Variants in RTN4RL1 observed in about 807,000 individuals in gnomAD.
RTN4RL1 encodes the protein reticulon-4 receptor-like 1.
Under a neutral mutation model 25.6 loss-of-function variants are expected in RTN4RL1, and 7 were observed. The observed-to-expected ratio is 0.27, with a 90% CI of 0.16 to 0.51. The LOEUF is 0.51. Among genes scored for constraint, RTN4RL1 ranks in the 20% least tolerant of loss-of-function variants. RTN4RL1 has a pLI of 0.97. For synonymous variants in RTN4RL1, 297 were observed against 288.2 expected (o/e 1.03, Z -0.31); for missense variants, 500 against 615.6 (o/e 0.81, Z 1.99).
intron 1 of RTN4RL1, among the ~76,000 whole-genome samples, chr17:2,002,275 CTCTT>C (rs1401859482): frequency 6.9e-6 from 1 of 145,264 alleles, no homozygotes; most frequent in East Asian, 2.1e-4. Flanking sequence ...TTCTCTCTTT[CTCTT>C]TTTTTTAATT....
chr17:1,947,642 T>G (rs900246537), intron 1 of RTN4RL1, among the ~76,000 whole-genome samples: 1 of 152,204 alleles, frequency 6.6e-6, no homozygotes, highest in Non-Finnish European at 1.5e-5. Context: ...CAGGCCTGGC[T>G]GGGAATGCCG....
chr17:1,956,582 CTG>C (rs1915798967), intron 1 of RTN4RL1, among the ~76,000 whole-genome samples: 1 of 152,128 alleles, frequency 6.6e-6, no homozygotes, highest in Non-Finnish European at 1.5e-5. Flanking sequence ...CATGGACAGA[CTG>C]TAATTTATTT....
rs1485460120 is a variant in RTN4RL1 at position 1,998,193 on chromosome 17, TG to T, written c.13+26659del. Among the ~76,000 whole-genome samples the T allele has an allele frequency of 6.6e-6, 1 of 151,854 alleles. No homozygotes were observed. The highest frequency in any genetic ancestry group is 2.4e-5 in the African/African-American group (1 of 41,362). On this transcript the variant is annotated intron_variant, in intron 1 of 1. Coordinates refer to ENST00000331238, the MANE Select transcript of RTN4RL1 (RefSeq NM_178568.4). The surrounding 1 kb of genome is among the most constrained non-coding windows in gnomAD (Gnocchi z 4.9). ...CCCGGATTAAATATTTACTATGTTT[TG>T]TTTGGCCTTTGGGGGAGGGGCGGGG...
chr17:2,019,543 C>T (rs1400502377), intron 1 of RTN4RL1: 1 of 152,300 alleles, frequency 6.6e-6, no homozygotes, highest in African/African-American at 2.4e-5. Context: ...TTCAACTCCA[C>T]CACTGGCCAG....
At chr17:2,020,179 T>G (rs895889037) in intron 1 of RTN4RL1, 5 of 152,188 alleles carry the variant, frequency 3.3e-5, no homozygotes, top group African/African-American at 1.2e-4. Flanking sequence ...AAGGCCGAAA[T>G]TTGACTTCTG....
chr17:2,018,660 G>A (rs761294846), intron 1 of RTN4RL1, among the ~76,000 whole-genome samples: 6 of 152,166 alleles, frequency 3.9e-5, no homozygotes, highest in South Asian at 4.1e-4. Flanking sequence ...CAGACAGAGC[G>A]GGGGCTGCAT....
intron 1 of RTN4RL1, among the ~76,000 whole-genome samples, chr17:1,963,009 C>T (rs2066773120): frequency 6.6e-6 from 1 of 151,920 alleles, no homozygotes; most frequent in African/African-American, 2.4e-5. Flanking sequence ...ATAATCATAG[C>T]TCACTGCAAC....
At chr17:1,992,010 A>G (rs552510347) in intron 1 of RTN4RL1, among the ~76,000 whole-genome samples, 1 of 152,238 alleles carries the variant, frequency 6.6e-6, no homozygotes, top group African/African-American at 2.4e-5. Context: ...TTGTACACAC[A>G]GTCCCCCAGA....
At chr17:1,951,235 A>T (rs1225760268) in intron 1 of RTN4RL1, among the ~76,000 whole-genome samples, 1 of 151,926 alleles carries the variant, frequency 6.6e-6, no homozygotes, top group Non-Finnish European at 1.5e-5. Flanking sequence ...ACTGCACTCC[A>T]GCCTGGGCGA....
intron 1 of RTN4RL1, among the ~76,000 whole-genome samples, chr17:1,972,996 T>C (rs1189252997): frequency 6.6e-6 from 1 of 152,318 alleles, no homozygotes; most frequent in East Asian, 1.9e-4. Context: ...TGTCATCTGT[T>C]TCTTTCTTTT....
chr17:1,938,412 C>T (rs955811721), intron 1 of RTN4RL1, among the ~76,000 whole-genome samples: 14 of 151,774 alleles, frequency 9.2e-5, no homozygotes, highest in Admixed American at 8.5e-4. Context: ...AAGTGATTCT[C>T]TGCCTCAGCC....
At chr17:1,966,860 ACCCCCT>A (rs1366705552) in intron 1 of RTN4RL1, among the ~76,000 whole-genome samples, 1 of 151,330 alleles carries the variant, frequency 6.6e-6, no homozygotes, top group Non-Finnish European at 1.5e-5. Flanking sequence ...TCCCAGCTTC[ACCCCCT>A]CCCTCACTGC....
chr17:1,937,958 C>A (rs371475106), intron 1 of RTN4RL1, 150 bp from the exon 2 acceptor site: 5 of 713,946 alleles, frequency 7.0e-6, no homozygotes, highest in Non-Finnish European at 9.0e-6. Flanking sequence ...GGGTCAAGGC[C>A]CAAGCCTGGA....
chr17:2,023,190 T>C (rs1376514421), intron 1 of RTN4RL1, among the ~76,000 whole-genome samples: 1 of 152,196 alleles, frequency 6.6e-6, no homozygotes, highest in Non-Finnish European at 1.5e-5. Context: ...CTGGGAAGCC[T>C]TCTCGACCGG....
In RTN4RL1 at chr17:1,936,766, C is replaced by T. The variant is rs142643050; in HGVS notation, c.1056G>A (p.Pro352=). 1,996 of 1,594,644 alleles carry T rather than the reference C, an allele frequency of 1.3e-3. 20 individuals are homozygous for T. The African/African-American group carries it at 0.021, about 17-fold the overall frequency. Reference sequence around the variant, plus strand: ...TCCTGGGGTTGGTGCAGTTCTTCCCCGGCTTCCTGTGGCCGGGCCGGGGGC... The same window carrying T: ...TCCTGGGGTTGGTGCAGTTCTTCCCTGGCTTCCTGTGGCCGGGCCGGGGGC... The part of the protein sequence containing the change: ...PHGPRPGHRK[P]GKNCTNPRNR... The change falls in exon 2 of 2, where the codon CCG becomes CCA. Residue 352 remains proline (P), a synonymous_variant. Transcript: ENST00000331238.
At chr17:1,937,961 A>C (rs1237781881) in intron 1 of RTN4RL1, among the ~76,000 whole-genome samples, 153 bp from the exon 2 acceptor site, 1 of 152,242 alleles carries the variant, frequency 6.6e-6, no homozygotes, top group African/African-American at 2.4e-5. Context: ...TCAAGGCCCA[A>C]GCCTGGAACC....
At chr17:1,988,552 C>A (rs1256899543) in intron 1 of RTN4RL1, among the ~76,000 whole-genome samples, 1 of 150,416 alleles carries the variant, frequency 6.6e-6, no homozygotes, top group Non-Finnish European at 1.5e-5. Context: ...AGAATTAAGT[C>A]CTCAATGATG....
intron 1 of RTN4RL1, among the ~76,000 whole-genome samples, chr17:2,001,228 A>G (rs549649357): frequency 1.3e-5 from 2 of 149,256 alleles, no homozygotes; most frequent in South Asian, 4.3e-4. Context: ...ACACTGGACT[A>G]TGTTTAGCTT....
chr17:1,968,714 G>A (rs981849183), intron 1 of RTN4RL1, among the ~76,000 whole-genome samples: 1 of 151,510 alleles, frequency 6.6e-6, no homozygotes. Context: ...GAGGTCACCC[G>A]TCCCCTCTCC....
Sources: allele counts gnomAD v4.1 joint callset (sites outside exome capture counted in the v4.1 genomes callset), GRCh38; gene constraint gnomAD v4.1.1; non-coding constraint Gnocchi (gnomAD v3.1); transcripts MANE v1.5; gene names NCBI Gene and HGNC (gene_info 2026-07-23, HGNC 2026-07-21).